Variants in ARPC2 observed in about 807,000 individuals in gnomAD.
ARPC2 encodes actin related protein 2/3 complex subunit 2.
A neutral mutation model predicts 38.6 loss-of-function variants in ARPC2; 4 were observed. The observed-to-expected ratio is 0.10, with a 90% confidence interval of 0.05 to 0.24. The LOEUF (loss-of-function observed/expected upper bound fraction) is 0.24, where lower values mean the gene tolerates loss of function less well. Among genes scored for constraint, ARPC2 ranks in the 10% least tolerant of loss-of-function variants. ARPC2 has a pLI of 1.00. For synonymous variants in ARPC2, 125 were observed against 140.8 expected (o/e 0.89, Z 0.79); for missense variants, 229 against 387.3 (o/e 0.59, Z 3.43).
rs375054874 is a variant in ARPC2 at position 218,245,584 on chromosome 2, A to G, written c.676+38A>G. The stretch of plus-strand genomic sequence containing the variant: ...CACTTGCTGCTTTTGTGCCGCTTTA[A>G]TGAGTTCACACAGCAGAATACCTAA... On this transcript the variant is annotated intron_variant, in intron 8 of 10. Coordinates refer to ENST00000315717, the MANE Select transcript of ARPC2 (RefSeq NM_152862.3). 4.3e-6 allele frequency: 7 copies of G among 1,612,686 alleles called. No individual in the cohort carries two copies. The African/African-American group carries it at 6.7e-5, about 15-fold the overall frequency.
intron 2 of ARPC2, among the ~76,000 whole-genome samples, chr2:218,225,579 C>T (rs1474673983): frequency 6.6e-6 from 1 of 152,214 alleles, no homozygotes; most frequent in Non-Finnish European, 1.5e-5. Flanking sequence ...GTGGGGAAGG[C>T]ATTGACCAAA....
intron 7 of ARPC2, 28 bp downstream of exon 7, chr2:218,239,512 C>A: frequency 6.4e-7 from 1 of 1,559,702 alleles, no homozygotes; most frequent in Non-Finnish European, 8.8e-7. Context: ...TGGGGGAAAC[C>A]CATGCATGGC....
chr2:218,236,123 C>T (rs1273967140), intron 5 of ARPC2: 1 of 151,834 alleles, frequency 6.6e-6, no homozygotes, highest in East Asian at 1.9e-4. Context: ...AGAGTCTCTC[C>T]TCCTCTTTTT....
chr2:218,217,269 T>TGGGA lies in ARPC2; in HGVS notation c.-9+18_-9+19insAGGG. On this transcript the variant is annotated intron_variant, in intron 1 of 10. Coordinates refer to ENST00000315717, the MANE Select transcript of ARPC2 (RefSeq NM_152862.3). Reference sequence around the variant, plus strand: ...TCGGGGGCCAGGTCGGTTGGGTGGGTGGGTGTCTCCACAGTCTGCGTGCGT... The same window carrying TGGGA: ...TCGGGGGCCAGGTCGGTTGGGTGGGTGGGAGGGTGTCTCCACAGTCTGCGTGCGT... 1 of 459,560 alleles carries TGGGA rather than the reference T, an allele frequency of 2.2e-6. No homozygotes were observed. 28.5% of individuals were successfully genotyped at this position (459,560 alleles called of 1,614,324 possible).
intron 2 of ARPC2, among the ~76,000 whole-genome samples, chr2:218,225,327 C>G (rs997591647): frequency 6.6e-6 from 1 of 152,084 alleles, no homozygotes; most frequent in Non-Finnish European, 1.5e-5. Flanking sequence ...ATTTACAAAG[C>G]AAGACAAAAC....
In ARPC2 at chr2:218,249,735, C is replaced by A. The variant is rs1690135541; in HGVS notation, c.778-86C>A. On this transcript the variant is annotated intron_variant, in intron 9 of 10. Coordinates refer to ENST00000315717, the MANE Select transcript of ARPC2 (RefSeq NM_152862.3). ...ATCCCAGGGTGTATGTTCCCAACCG[C>A]CCTTGATGACCTCTCTGATGAAAGA... 3 of 1,331,418 alleles carry A rather than the reference C, an allele frequency of 2.3e-6. No individual in the cohort carries two copies. In the African/African-American group the frequency reaches 4.4e-5, roughly 20 times the overall value. The allele number at this position is 1,331,418 out of a possible 1,614,324, so 82.5% of individuals were successfully genotyped here.
chr2:218,246,109 C>G (rs561316001), intron 8 of ARPC2, among the ~76,000 whole-genome samples: 13 of 151,752 alleles, frequency 8.6e-5, no homozygotes, highest in Non-Finnish European at 1.8e-4. Context: ...CCCAGGTACT[C>G]CAGAGGCTGA....
intron 8 of ARPC2, among the ~76,000 whole-genome samples, chr2:218,246,688 G>C (rs1347654145): frequency 6.6e-6 from 1 of 151,022 alleles, no homozygotes; most frequent in Non-Finnish European, 1.5e-5. Context: ...AAAAAGCAAG[G>C]GGCCAGGCAC....
At chr2:218,238,942 C>A in intron 6 of ARPC2, 92 bp downstream of exon 6, 2 of 1,051,824 alleles carry the variant, frequency 1.9e-6, no homozygotes, top group Non-Finnish European at 2.8e-6. Flanking sequence ...AAACTTTCAG[C>A]TGTATTGCGT....
At chr2:218,246,079 T>C (rs1021613971) in intron 8 of ARPC2, among the ~76,000 whole-genome samples, 2 of 151,896 alleles carry the variant, frequency 1.3e-5, no homozygotes, top group Non-Finnish European at 2.9e-5. Context: ...TAGCTGGGCA[T>C]GGTGGCGCAC....
intron 3 of ARPC2, chr2:218,226,926 A>G (rs1224270317): frequency 2.9e-5 from 13 of 449,646 alleles, no homozygotes. Context: ...GTGTTCATCA[A>G]GTCAGAGAGA....
intron 2 of ARPC2, among the ~76,000 whole-genome samples, chr2:218,218,447 G>C (rs1448938161): frequency 1.3e-5 from 2 of 152,262 alleles, no homozygotes; most frequent in East Asian, 3.8e-4. Context: ...AGAATCAGTA[G>C]AAGACAATCT....
At chr2:218,217,341 C>G (rs1194411407) in intron 1 of ARPC2, 87 bp downstream of exon 1, 2 of 811,048 alleles carry the variant, frequency 2.5e-6, no homozygotes, top group East Asian at 2.6e-5. Flanking sequence ...GGCCCCTCTC[C>G]CCTTCTCCCC....
In ARPC2 at chr2:218,253,971, T is replaced by C; in HGVS notation, c.*56T>C. ...AACTGAAGGCTGGAACACTTGCTACTGGATAATCGTAGCTTTTAATGTTGC... is the reference window on the plus strand; with the variant it reads ...AACTGAAGGCTGGAACACTTGCTACCGGATAATCGTAGCTTTTAATGTTGC... On this transcript the variant is annotated 3_prime_UTR_variant, in exon 11 of 11. Transcript: ENST00000315717. 1 of 1,603,660 alleles carries C rather than the reference T, an allele frequency of 6.2e-7. No homozygotes were observed.
intron 4 of ARPC2, among the ~76,000 whole-genome samples, chr2:218,232,715 G>A (rs372392169): frequency 5.3e-5 from 8 of 151,660 alleles, no homozygotes; most frequent in Non-Finnish European, 1.2e-4. Flanking sequence ...TACTACAGGC[G>A]CCTGCCACCA....
chr2:218,234,761 T>C (rs10932765), intron 5 of ARPC2: 221,559 of 470,022 alleles, frequency 0.47, 57,031 homozygotes, highest in South Asian at 0.6. Context: ...TAATTCTGCA[T>C]ACTACATATT....
At chr2:218,244,025 A>G (rs182154373) in intron 7 of ARPC2, among the ~76,000 whole-genome samples, 11 of 152,364 alleles carry the variant, frequency 7.2e-5, no homozygotes, top group Non-Finnish European at 1.3e-4. Flanking sequence ...AAAACCAGTA[A>G]AAGTTAAAAA....
intron 2 of ARPC2, among the ~76,000 whole-genome samples, chr2:218,221,514 C>T (rs1229126405): frequency 6.6e-6 from 1 of 152,170 alleles, no homozygotes; most frequent in Non-Finnish European, 1.5e-5. Context: ...GCCACCTGTC[C>T]TGTGGCCTAC....
At chr2:218,217,435 C>T (rs1574571064) in intron 1 of ARPC2, 28 bp from the exon 2 acceptor site, 2 of 1,611,134 alleles carry the variant, frequency 1.2e-6, no homozygotes, top group Non-Finnish European at 8.5e-7. Context: ...CCCTCACCGG[C>T]CCTTGTTTCT....
Sources: allele counts gnomAD v4.1 joint callset (sites outside exome capture counted in the v4.1 genomes callset), GRCh38; gene constraint gnomAD v4.1.1; transcripts MANE v1.5; gene names NCBI Gene and HGNC (gene_info 2026-07-23, HGNC 2026-07-21).